Variants in CNTNAP2 observed in about 807,000 individuals in gnomAD.
The protein encoded by CNTNAP2 is contactin-associated protein-like 2.
A neutral mutation model predicts 155.2 loss-of-function variants in CNTNAP2; 98 were observed. That is an observed-to-expected ratio of 0.63 (90% CI 0.54 to 0.75). The LOEUF is 0.75. Ranked by LOEUF, CNTNAP2 falls within the 30% of genes least tolerant of loss-of-function variation. CNTNAP2 has a pLI of 0.00. For synonymous variants in CNTNAP2, 651 were observed against 631.2 expected, an observed-to-expected ratio of 1.03 and a Z score of -0.47; for missense variants, 1,727 against 1,688.1, an observed-to-expected ratio of 1.02 and a Z score of -0.40.
chr7:147,863,686 AT>A (rs1799174033), intron 13 of CNTNAP2, among the ~76,000 whole-genome samples: 1 of 151,996 alleles, frequency 6.6e-6, no homozygotes, highest in Non-Finnish European at 1.5e-5. Context: ...GTCAGTGATG[AT>A]GAGCATTTTT....
intron 14 of CNTNAP2, among the ~76,000 whole-genome samples, chr7:147,964,160 G>T (rs1378136859): frequency 6.6e-6 from 1 of 152,094 alleles, no homozygotes; most frequent in Non-Finnish European, 1.5e-5. Context: ...TCATGGAAAG[G>T]CCATATGAGG....
intron 21 of CNTNAP2, among the ~76,000 whole-genome samples, chr7:148,371,420 C>T (rs946712847): frequency 4.6e-5 from 7 of 152,146 alleles, no homozygotes; most frequent in African/African-American, 9.7e-5. Flanking sequence ...TTCAGCCTCT[C>T]GGAGTCCCTT....
intron 2 of CNTNAP2, among the ~76,000 whole-genome samples, chr7:146,836,929 T>C (rs1803629249): frequency 6.6e-6 from 1 of 152,116 alleles, no homozygotes; most frequent in South Asian, 2.1e-4. Flanking sequence ...TCATGTCTGT[T>C]AGGTTGTTTC....
intron 1 of CNTNAP2, among the ~76,000 whole-genome samples, chr7:146,210,169 A>G (rs182167608): frequency 2.0e-4 from 31 of 152,292 alleles, no homozygotes; most frequent in African/African-American, 7.2e-4. Flanking sequence ...TGGAGTTACT[A>G]TATCTGAATT....
At chr7:147,140,929 A>G (rs1801579327) in intron 8 of CNTNAP2, among the ~76,000 whole-genome samples, 1 of 152,128 alleles carries the variant, frequency 6.6e-6, no homozygotes, top group Non-Finnish European at 1.5e-5. Context: ...GCTGGCGAGA[A>G]TGAGACTCCG....
intron 13 of CNTNAP2, among the ~76,000 whole-genome samples, chr7:147,687,596 T>C (rs1796031744): frequency 6.6e-6 from 1 of 152,092 alleles, no homozygotes; most frequent in Admixed American, 6.6e-5. Flanking sequence ...ATGCTTCATA[T>C]TGTTAATGTT....
intron 1 of CNTNAP2, among the ~76,000 whole-genome samples, chr7:146,384,404 C>G (rs561551181): frequency 4.6e-5 from 7 of 152,042 alleles, no homozygotes; most frequent in Non-Finnish European, 1.0e-4. Flanking sequence ...ATCATAAAAC[C>G]ATGCTGAAGG....
chr7:148,115,970 C>G (rs1804460657), intron 15 of CNTNAP2, among the ~76,000 whole-genome samples: 1 of 151,948 alleles, frequency 6.6e-6, no homozygotes, highest in African/African-American at 2.4e-5. Flanking sequence ...GAAACCCCGT[C>G]TCTACTAAAA....
At chr7:148,073,733 A>G (rs573557843) in intron 15 of CNTNAP2, among the ~76,000 whole-genome samples, 1 of 152,228 alleles carries the variant, frequency 6.6e-6, no homozygotes, top group East Asian at 1.9e-4. Flanking sequence ...TGACCCTTGA[A>G]CAACACAGAT....
chr7:146,664,818 T>C (rs1398374294), intron 1 of CNTNAP2, among the ~76,000 whole-genome samples: 2 of 152,206 alleles, frequency 1.3e-5, no homozygotes, highest in Non-Finnish European at 2.9e-5. Context: ...TTTTTTTAAA[T>C]AGATATAGGA....
At chr7:146,215,713 T>C (rs1018162633) in intron 1 of CNTNAP2, among the ~76,000 whole-genome samples, 1 of 152,202 alleles carries the variant, frequency 6.6e-6, no homozygotes, top group Admixed American at 6.5e-5. Context: ...ACATTTCTAC[T>C]CTTGTTAAAT....
At chr7:146,925,306 A>C (rs1356838165) in intron 3 of CNTNAP2, among the ~76,000 whole-genome samples, 2 of 152,094 alleles carry the variant, frequency 1.3e-5, no homozygotes, top group Non-Finnish European at 2.9e-5. Flanking sequence ...CAATAAATAC[A>C]TATTATCAAA....
chr7:146,267,363 A>G (rs149491780), intron 1 of CNTNAP2, among the ~76,000 whole-genome samples: 35 of 152,298 alleles, frequency 2.3e-4, no homozygotes, highest in African/African-American at 8.2e-4. Context: ...TTATTTCTGT[A>G]TTTACGTAGT....
chr7:146,970,824 A>G (rs1256615451), intron 3 of CNTNAP2, among the ~76,000 whole-genome samples: 3 of 152,182 alleles, frequency 2.0e-5, no homozygotes, highest in Non-Finnish European at 4.4e-5. Flanking sequence ...ATGTCCAACA[A>G]TGATAGACTG....
At chr7:147,095,955 C>A (rs910903247) in intron 4 of CNTNAP2, among the ~76,000 whole-genome samples, 1 of 152,098 alleles carries the variant, frequency 6.6e-6, no homozygotes. Context: ...GCCTTTTGGA[C>A]CCCTCGTAAA....
chr7:147,132,522 T>C lies in CNTNAP2; in HGVS notation c.1348+13T>C, dbSNP rs200282837. The C allele has an allele frequency of 3.3e-5, 53 of 1,613,202 alleles. No homozygotes were observed. Among genetic ancestry groups the C allele is most frequent in the Non-Finnish European group, 4.3e-5 (51 of 1,179,514 alleles). On this transcript the variant is annotated intron_variant, in intron 8 of 23. Transcript: ENST00000361727. ...GATATTTCCTCAGGTCAGTGAAACC[T>C]ATTTGACATTTGTTCCTGAAACTTA...
chr7:147,863,781 T>TC (rs1441707488), intron 13 of CNTNAP2, among the ~76,000 whole-genome samples: 1 of 151,472 alleles, frequency 6.6e-6, no homozygotes, highest in Non-Finnish European at 1.5e-5. Flanking sequence ...GGGGTTGTTT[T>TC]TTTTCTTGTA....
chr7:147,227,305 T>C (rs1182510422), intron 8 of CNTNAP2, among the ~76,000 whole-genome samples: 1 of 152,042 alleles, frequency 6.6e-6, no homozygotes, highest in Non-Finnish European at 1.5e-5. Flanking sequence ...ACCTGGAGAA[T>C]ATCTAGACTC....
intron 13 of CNTNAP2, among the ~76,000 whole-genome samples, chr7:147,766,234 A>G (rs929922174): frequency 2.0e-5 from 3 of 152,196 alleles, no homozygotes; most frequent in Non-Finnish European, 4.4e-5. Flanking sequence ...ACACTTCAAT[A>G]AAGCTGATTA....
Sources: gnomAD v4.1 joint callset for allele counts (sites outside exome capture counted in the v4.1 genomes callset) on GRCh38, gnomAD v4.1.1 for gene constraint, MANE v1.5 for transcripts, NCBI Gene and HGNC (gene_info 2026-07-23, HGNC 2026-07-21) for gene names.